MPZL1: variants seen among roughly 807,000 people sequenced by gnomAD.
The protein encoded by MPZL1 is myelin protein zero-like protein 1.
Under a neutral mutation model 29.3 loss-of-function variants are expected in MPZL1, and 16 were observed. The ratio of observed to expected loss-of-function variants is 0.55; its 90% CI spans 0.37 to 0.83. The LOEUF is 0.83. Ranked by LOEUF, MPZL1 falls within the 40% of genes least tolerant of loss-of-function variation. The pLI, the probability that MPZL1 is intolerant of heterozygous loss-of-function variation, is 0.00. For missense variants in MPZL1, 279 were observed against 332.9 expected, an observed-to-expected ratio of 0.84 and a Z score of 1.26; for synonymous variants, 143 against 132.0, an observed-to-expected ratio of 1.08 and a Z score of -0.57.
chr1:167,747,404 T>G (rs578101068), intron 1 of MPZL1, among the ~76,000 whole-genome samples: 107 of 152,282 alleles, frequency 7.0e-4, no homozygotes, highest in African/African-American at 2.5e-3. Context: ...AAAAATGTTT[T>G]GTAGAAACAG....
intron 4 of MPZL1, chr1:167,773,716 A>G (rs1049541497): frequency 6.2e-6 from 1 of 161,010 alleles, no homozygotes; most frequent in Admixed American, 6.4e-5. Context: ...ATTTCTTGCT[A>G]ATAAACTCAC....
In MPZL1 at chr1:167,787,984, T is replaced by C. The variant is rs1270207062; in HGVS notation, c.*63T>C. On this transcript the variant is annotated 3_prime_UTR_variant, in exon 6 of 6. Coordinates refer to ENST00000359523, the MANE Select transcript of MPZL1 (RefSeq NM_003953.6). ...CCAAACTGGACTCTCGTGCAGAAAATGTAGCCCATTACCACATGTAGCCTT... is the reference window on the plus strand; with the variant it reads ...CCAAACTGGACTCTCGTGCAGAAAACGTAGCCCATTACCACATGTAGCCTT... 46 of 1,375,322 alleles carry C rather than the reference T, an allele frequency of 3.3e-5. No individual in the cohort carries two copies. The highest frequency in any genetic ancestry group is 1.6e-4 in the Admixed American group (9 of 57,870). The allele number at this position is 1,375,322 out of a possible 1,614,324, so 85.2% of individuals were successfully genotyped here.
At chr1:167,747,731 C>T (rs1553254796) in intron 1 of MPZL1, among the ~76,000 whole-genome samples, 1 of 148,076 alleles carries the variant, frequency 6.8e-6, no homozygotes, top group Non-Finnish European at 1.5e-5. Context: ...TCTACAGCTG[C>T]TTTTTTTTTT....
chr1:167,733,824 G>A (rs1403432654), intron 1 of MPZL1, among the ~76,000 whole-genome samples: 1 of 151,718 alleles, frequency 6.6e-6, no homozygotes, highest in South Asian at 2.1e-4. Flanking sequence ...AAGATTGTTT[G>A]AGCCCAAGAG....
At chr1:167,783,329 A>T (rs1471072063) in intron 5 of MPZL1, among the ~76,000 whole-genome samples, 2 of 152,238 alleles carry the variant, frequency 1.3e-5, no homozygotes, top group Non-Finnish European at 2.9e-5. Flanking sequence ...TGTGGAAAAA[A>T]ATAAGAAAAT....
Position 167,773,355 on chromosome 1 carries a change from CG to C in MPZL1, c.595del (p.Asp199IlefsTer29). 1 of 1,613,428 alleles carries C rather than the reference CG, an allele frequency of 6.2e-7. No homozygotes were observed. Among genetic ancestry groups the C allele is most frequent in the African/African-American group, 1.3e-5 (1 of 74,978 alleles). ...CCTCTATAGAAGGAAAAACTCTAAA[CG>C]GGATTACACTGGGTAAGAAACACTG... is the stretch of plus-strand genomic sequence containing the variant. ...AVLYRRKNSK[R>X]DYTGCSTSES... On this transcript the variant is annotated frameshift_variant, in exon 4 of 6. Transcript: ENST00000359523. LOFTEE classifies it high-confidence loss of function.
At position 167,791,627 on chromosome 1, in the gene MPZL1, T is replaced by A. The variant is rs1661717701; in HGVS notation, c.*3706T>A. ...AGGGGCTGGGCCTGGGGCCGCTGTT[T>A]GATCCACAGCCTTGTTCCTAACCAC... On this transcript the variant is annotated 3_prime_UTR_variant, in exon 6 of 6. Coordinates refer to ENST00000359523, the MANE Select transcript of MPZL1 (RefSeq NM_003953.6). The A allele has an allele frequency of 1.3e-5, 2 of 152,304 alleles. No homozygotes were observed. Among genetic ancestry groups the A allele is most frequent in the Non-Finnish European group, 2.9e-5 (2 of 68,072 alleles). 9.4% of individuals were successfully genotyped at this position (152,304 alleles called of 1,614,324 possible).
intron 2 of MPZL1, among the ~76,000 whole-genome samples, chr1:167,771,259 A>G (rs918673233): frequency 6.6e-6 from 1 of 152,044 alleles, no homozygotes; most frequent in Non-Finnish European, 1.5e-5. Flanking sequence ...CCCTTAATCC[A>G]TTTCACCCTG....
intron 1 of MPZL1, among the ~76,000 whole-genome samples, chr1:167,763,736 C>T (rs971620508): frequency 4.6e-5 from 7 of 152,104 alleles, no homozygotes; most frequent in African/African-American, 1.4e-4. Flanking sequence ...TTTCTGCGTA[C>T]CCACAATAGC....
chr1:167,754,445 C>T (rs189818660), intron 1 of MPZL1, among the ~76,000 whole-genome samples: 2 of 152,276 alleles, frequency 1.3e-5, no homozygotes, highest in African/African-American at 4.8e-5. Flanking sequence ...ACACCAATGT[C>T]CTGTTAACTC....
In MPZL1 at chr1:167,790,150, T is replaced by A. The variant is rs1278464888; in HGVS notation, c.*2229T>A. ...AGTTCCTGTGAATAAATGAAACATTTCGGAGCTCCCTGAGAGCAAGAGCCT... is the reference window on the plus strand; with the variant it reads ...AGTTCCTGTGAATAAATGAAACATTACGGAGCTCCCTGAGAGCAAGAGCCT... On this transcript the variant is annotated 3_prime_UTR_variant, in exon 6 of 6. Coordinates refer to ENST00000359523, the MANE Select transcript of MPZL1 (RefSeq NM_003953.6). The A allele has an allele frequency of 6.6e-6, 1 of 152,292 alleles. No homozygotes were observed. Among genetic ancestry groups the A allele is most frequent in the Admixed American group, 6.5e-5 (1 of 15,282 alleles). 9.4% of individuals were successfully genotyped at this position (152,292 alleles called of 1,614,324 possible). A position where few individuals can be genotyped will look rare whatever the true frequency, so the allele number is the denominator to read the frequency against.
Position 167,788,056 on chromosome 1 carries a change from A to G in MPZL1, c.*135A>G, listed in dbSNP as rs141592237. Reference sequence around the variant, plus strand: ...TACACGTGTACTCACAGAGGGAGAGAAAGATGTGTACAAAGGATATGTATA... The same window carrying G: ...TACACGTGTACTCACAGAGGGAGAGGAAGATGTGTACAAAGGATATGTATA... On this transcript the variant is annotated 3_prime_UTR_variant, in exon 6 of 6. Transcript: ENST00000359523. 124 of 661,204 alleles carry G rather than the reference A, an allele frequency of 1.9e-4. 1 individual carries two copies. In the Admixed American group the frequency reaches 3.0e-3, roughly 16 times the overall value. The allele number at this position is 661,204 out of a possible 1,614,324, so 41.0% of individuals were successfully genotyped here.
chr1:167,745,850 G>A (rs1346963974), intron 1 of MPZL1, among the ~76,000 whole-genome samples: 1 of 152,034 alleles, frequency 6.6e-6, no homozygotes, highest in Non-Finnish European at 1.5e-5. Context: ...AAGACAACAT[G>A]CCTTTCAGGT....
intron 1 of MPZL1, among the ~76,000 whole-genome samples, chr1:167,731,204 G>A (rs1271851515): frequency 6.6e-6 from 1 of 152,130 alleles, no homozygotes; most frequent in Non-Finnish European, 1.5e-5. Context: ...GGAGGCTGAG[G>A]TGGACGGATC....
intron 1 of MPZL1, among the ~76,000 whole-genome samples, chr1:167,759,089 A>G (rs542480210): frequency 1.3e-4 from 20 of 152,336 alleles, no homozygotes; most frequent in Admixed American, 1.2e-3. Flanking sequence ...ATCCATCTAT[A>G]AGTTTTTGAA....
chr1:167,757,000 G>A (rs1166161926), intron 1 of MPZL1, among the ~76,000 whole-genome samples: 1 of 152,220 alleles, frequency 6.6e-6, no homozygotes, highest in African/African-American at 2.4e-5. Flanking sequence ...AAAGAGTGCA[G>A]AAGAGTGTGT....
At position 167,782,359 on chromosome 1, in the gene MPZL1, G is replaced by A. The variant is rs148013185; in HGVS notation, c.709-5461G>A. On this transcript the variant is annotated intron_variant, in intron 5 of 5. Transcript: ENST00000359523. The stretch of plus-strand genomic sequence containing the variant: ...CTGTAGTCTTTATTGATCTGACTAC[G>A]GTTTTTGTTTCTATATTTCTTGCTA... Among the ~76,000 whole-genome samples, 60 of 152,024 alleles carry A rather than the reference G, an allele frequency of 3.9e-4. 1 individual carries two copies. In the East Asian group the frequency reaches 8.1e-3, roughly 21 times the overall value.
rs180962116 is a variant in MPZL1, at chr1:167,740,076, C to T, written c.91+17834C>T. ...CCCTTCTGTGCCATCATTGCACTTA[C>T]CTGGCAATCCCTCAACCCTGGGAAA... On this transcript the variant is annotated intron_variant, in intron 1 of 5. Coordinates refer to ENST00000359523, the MANE Select transcript of MPZL1 (RefSeq NM_003953.6). 2.6e-5 allele frequency among the ~76,000 whole-genome samples: 4 copies of T among 152,294 alleles called. No homozygotes were observed. The East Asian group carries it at 5.8e-4, about 22-fold the overall frequency.
intron 5 of MPZL1, among the ~76,000 whole-genome samples, chr1:167,782,356 T>C (rs1661514260): frequency 6.6e-6 from 1 of 152,244 alleles, no homozygotes; most frequent in Non-Finnish European, 1.5e-5. Context: ...TTGATCTGAC[T>C]ACGGTTTTTG....
Sources: allele counts gnomAD v4.1 joint callset (sites outside exome capture counted in the v4.1 genomes callset), GRCh38; gene constraint gnomAD v4.1.1; transcripts MANE v1.5; gene names NCBI Gene and HGNC (gene_info 2026-07-23, HGNC 2026-07-21).